Variants in HADH observed in about 807,000 individuals in gnomAD.
HADH encodes hydroxyacyl-CoA dehydrogenase, also known as hydroxyacyl-coenzyme A dehydrogenase, mitochondrial.
HADH carries 24 observed loss-of-function variants against 32.2 expected under a neutral mutation model. The ratio of observed to expected loss-of-function variants is 0.75; its 90% CI spans 0.54 to 1.05. HADH has a LOEUF of 1.05. Among genes scored for constraint, HADH ranks in the 50% least tolerant of loss-of-function variants. The pLI is 0.00. For synonymous variants in HADH, 139 were observed against 152.5 expected (o/e 0.91, Z 0.65); for missense variants, 350 against 397.1 (o/e 0.88, Z 1.01).
intron 1 of HADH, among the ~76,000 whole-genome samples, chr4:107,995,900 T>C (rs1734940778): frequency 6.6e-6 from 1 of 152,166 alleles, no homozygotes; most frequent in Admixed American, 6.5e-5. Context: ...TCAAAGTTAG[T>C]CTACCTGCTG....
chr4:108,018,946 C>G (rs753761006), intron 3 of HADH, among the ~76,000 whole-genome samples: 1 of 151,902 alleles, frequency 6.6e-6, no homozygotes, highest in Non-Finnish European at 1.5e-5. Flanking sequence ...TCCTCTTTTC[C>G]CCATATCTAC....
At chr4:108,014,282 C>T (rs988512333) in intron 2 of HADH, 149 bp from the exon 3 acceptor site, 12 of 790,660 alleles carry the variant, frequency 1.5e-5, no homozygotes, top group Non-Finnish European at 2.4e-5. Flanking sequence ...GGATAAATTA[C>T]AGGCTTCGTG....
chr4:108,034,276 G>T lies in HADH; in HGVS notation c.864G>T (p.Gln288His), dbSNP rs754605326. The T allele has an allele frequency of 9.3e-6, 15 of 1,613,046 alleles. 1 individual carries two copies. In the South Asian group the frequency reaches 1.6e-4, roughly 18 times the overall value. The change falls in exon 8 of 8, where the codon CAG becomes CAT. Residue 288 changes from glutamine (Q) to histidine (H), a missense_variant. Physicochemically the swap from Gln to His is conservative, Grantham distance 24. Transcript: ENST00000309522. ...HEMDAENPLH[Q>H]PSPSLNKLVA... The stretch of plus-strand genomic sequence containing the variant: ...TGGATGCAGAGAACCCATTACATCA[G>T]CCCAGCCCATCCTTAAATAAGCTGG...
intron 1 of HADH, among the ~76,000 whole-genome samples, chr4:107,990,642 A>G (rs546777063): frequency 8.1e-4 from 123 of 152,032 alleles, no homozygotes; most frequent in African/African-American, 2.7e-3. Context: ...AAGTCACCTA[A>G]TGGAAGATTG....
rs891246524 is a variant in HADH at position 108,013,287 on chromosome 4, G to A, written c.262-1144G>A. ...GACCCCATGCAGGGGATGTTATGAG[G>A]AGGGTCCAGACAGATGAGATTATAA... On this transcript the variant is annotated intron_variant, in intron 2 of 7. Transcript: ENST00000309522. 4.6e-5 allele frequency among the ~76,000 whole-genome samples: 7 copies of A among 152,210 alleles called. 1 individual carries two copies. The highest frequency in any genetic ancestry group is 8.8e-5 in the Non-Finnish European group (6 of 68,032).
rs750557828 is a variant in HADH at position 108,009,832 on chromosome 4, G to A, written c.206G>A (p.Gly69Glu). The A allele has an allele frequency of 4.3e-6, 7 of 1,611,942 alleles. 1 individual carries two copies. Among genetic ancestry groups the A allele is most frequent in the Middle Eastern group, 1.7e-4 (1 of 6,060 alleles). The stretch of plus-strand genomic sequence containing the variant: ...GACATCCTGGCAAAATCCAAAAAGG[G>A]AATTGAGGAAAGCCTTAGGAAAGTG... ...TEDILAKSKKGIEESLRKVAK... is the reference protein window; with the variant it reads ...TEDILAKSKKEIEESLRKVAK... The change falls in exon 2 of 8, where the codon GGA (glycine) becomes GAA (glutamate). Residue 69 changes from glycine to glutamate, a missense_variant. By Grantham distance (98) the Gly-to-Glu change is moderately conservative. Transcript: ENST00000309522.
At chr4:107,991,409 C>T (rs1302691327) in intron 1 of HADH, among the ~76,000 whole-genome samples, 1 of 152,096 alleles carries the variant, frequency 6.6e-6, no homozygotes, top group Non-Finnish European at 1.5e-5. Context: ...AACAAAAAAA[C>T]CTTTTACTAT....
At chr4:108,026,520 C>T (rs750514832) in intron 5 of HADH, 13 of 152,130 alleles carry the variant, frequency 8.5e-5, no homozygotes, top group Non-Finnish European at 1.6e-4. Context: ...TGTATTGTTC[C>T]ATAATCTTAA....
chr4:108,020,018 G>T (rs7691313), intron 4 of HADH, among the ~76,000 whole-genome samples: 1 of 152,060 alleles, frequency 6.6e-6, no homozygotes, highest in Non-Finnish European at 1.5e-5. Flanking sequence ...ATATTATCTC[G>T]TCGAGGTCAG....
At chr4:107,991,571 A>T (rs1012364182) in intron 1 of HADH, among the ~76,000 whole-genome samples, 1 of 152,094 alleles carries the variant, frequency 6.6e-6, no homozygotes, top group Admixed American at 6.5e-5. Context: ...ATAATTTTGG[A>T]CATACATTGC....
In HADH at chr4:108,019,556, A is replaced by G. The variant is rs1326573157; in HGVS notation, c.436A>G (p.Ser146Gly). 5.0e-6 allele frequency: 8 copies of G among 1,613,736 alleles called. No homozygotes were observed. The highest frequency in any genetic ancestry group is 6.8e-6 in the Non-Finnish European group (8 of 1,179,734). ...KFAAEHTIFA[S>G]NTSSLQITSI... is the part of the protein sequence containing the mutation. The stretch of plus-strand genomic sequence containing the variant: ...TCTTCACAGACATACAATCTTTGCC[A>G]GCAACACTTCCTCCTTGCAGATTAC... Residue 146 changes from serine to glycine, a missense_variant, in exon 4 of 8, where the codon AGC becomes GGC. Coordinates refer to ENST00000309522, the MANE Select transcript of HADH (RefSeq NM_005327.7).
intron 1 of HADH, chr4:108,004,653 A>G (rs1274261671): frequency 4.6e-6 from 7 of 1,516,326 alleles, no homozygotes; most frequent in Non-Finnish European, 6.2e-6. Flanking sequence ...GAACTTCCAT[A>G]TCTGTCATAG....
rs1348079975 is a variant in HADH at position 108,034,876 on chromosome 4, ATG to A, written c.*523_*524del. On this transcript the variant is annotated 3_prime_UTR_variant, in exon 8 of 8. Transcript: ENST00000309522. The stretch of plus-strand genomic sequence containing the variant: ...CCCTACATTTTGGGCATGACATAAG[ATG>A]TGTCTTTATTCAGCTCGTCGTGAAG... 1.2e-5 allele frequency: 3 copies of A among 242,534 alleles called. No homozygotes were observed. The East Asian group carries it at 2.9e-4, about 23-fold the overall frequency. 15.0% of individuals were successfully genotyped at this position (242,534 alleles called of 1,614,324 possible). A position where few individuals can be genotyped will look rare whatever the true frequency, so the allele number is the denominator to read the frequency against.
rs115889479 is a variant in HADH at position 108,015,967 on chromosome 4, A to G, written c.419+1379A>G. Among the ~76,000 whole-genome samples, 758 of 151,976 alleles carry G rather than the reference A, an allele frequency of 5.0e-3. 6 individuals carry two copies. Among genetic ancestry groups the G allele is most frequent in the African/African-American group, 0.018 (730 of 41,462 alleles). On this transcript the variant is annotated intron_variant, in intron 3 of 7. Coordinates refer to ENST00000309522, the MANE Select transcript of HADH (RefSeq NM_005327.7). ...AGTTCTGTGTTTCCTCCTTTTTTGG[A>G]TGGAGCAAACAGAATGGTGTAATTG...
At chr4:108,027,378 C>A (rs1736102826) in intron 5 of HADH, 2 of 451,366 alleles carry the variant, frequency 4.4e-6, no homozygotes, top group African/African-American at 4.0e-5. Flanking sequence ...AGAGAGTATT[C>A]AAGATTGAAC....
intron 4 of HADH, among the ~76,000 whole-genome samples, chr4:108,020,015 C>T (rs1417628080): frequency 6.6e-6 from 1 of 152,190 alleles, no homozygotes; most frequent in Non-Finnish European, 1.5e-5. Context: ...TTCATATTAT[C>T]TCGTCGAGGT....
At chr4:108,007,024 T>C (rs905276077) in intron 1 of HADH, among the ~76,000 whole-genome samples, 1 of 152,214 alleles carries the variant, frequency 6.6e-6, no homozygotes, top group Non-Finnish European at 1.5e-5. Context: ...ACCCGGCACA[T>C]AGTAGATGCT....
intron 3 of HADH, 132 bp downstream of exon 3, chr4:108,014,720 G>A (rs1256379748): frequency 1.2e-5 from 9 of 778,174 alleles, no homozygotes; most frequent in African/African-American, 1.8e-5. Flanking sequence ...GTGTAGTGGT[G>A]AAGTCTGGGC....
intron 3 of HADH, among the ~76,000 whole-genome samples, chr4:108,018,032 A>T (rs1469473596): frequency 6.6e-6 from 1 of 152,178 alleles, no homozygotes; most frequent in Non-Finnish European, 1.5e-5. Flanking sequence ...TGGACTGGTG[A>T]TACCTGGAAC....
Sources: allele counts gnomAD v4.1 joint callset (sites outside exome capture counted in the v4.1 genomes callset), GRCh38; gene constraint gnomAD v4.1.1; transcripts MANE v1.5; gene names NCBI Gene and HGNC (gene_info 2026-07-23, HGNC 2026-07-21).